Variants in PROM1 observed in about 807,000 individuals in gnomAD.
PROM1 encodes the protein prominin 1, also known as prominin-1.
Under a neutral mutation model 116.9 loss-of-function variants are expected in PROM1, and 105 were observed. That is an observed-to-expected ratio of 0.90 (90% CI 0.77 to 1.06). PROM1 has a LOEUF of 1.06. PROM1 is among the 50% of genes least tolerant of loss of function. The pLI, the probability that PROM1 is intolerant of heterozygous loss-of-function variation, is 0.00. For missense variants in PROM1, 1,122 were observed against 1,045.2 expected (o/e 1.07, Z -1.01); for synonymous variants, 393 against 387.0 (o/e 1.02, Z -0.18).
chr4:16,040,361 A>G (rs1734942793), intron 2 of PROM1, among the ~76,000 whole-genome samples: 1 of 152,194 alleles, frequency 6.6e-6, no homozygotes. Flanking sequence ...CCAGAGGGAC[A>G]CTGAGGCTGT....
chr4:16,009,460 G>A lies in PROM1; in HGVS notation c.1142-352C>T, dbSNP rs568422381. On this transcript the variant is annotated intron_variant, in intron 11 of 27. Coordinates refer to ENST00000447510, the MANE Select transcript of PROM1 (RefSeq NM_006017.3). ...ATAGTAACTCATTTATTTCACTGAG[G>A]TAGATATTCTCATTCCCCATTTTGC... 3.4e-3 allele frequency among the ~76,000 whole-genome samples: 516 copies of A among 152,274 alleles called. 2 individuals are homozygous for A. Among genetic ancestry groups the A allele is most frequent in the Middle Eastern group, 0.01 (3 of 294 alleles).
chr4:16,001,209 G>A (rs776705138), intron 13 of PROM1, among the ~76,000 whole-genome samples: 8 of 152,120 alleles, frequency 5.3e-5, no homozygotes, highest in Non-Finnish European at 7.4e-5. Context: ...CTCGGAAAGC[G>A]CTGAACACGA....
chr4:16,070,059 G>C (rs1742459929), intron 2 of PROM1, among the ~76,000 whole-genome samples: 1 of 152,210 alleles, frequency 6.6e-6, no homozygotes, highest in East Asian at 1.9e-4. Context: ...TTAGGTCACA[G>C]TTTACTATGT....
intron 16 of PROM1, 90 bp from the exon 17 acceptor site, chr4:15,992,481 G>T: frequency 7.2e-7 from 1 of 1,390,390 alleles, no homozygotes; most frequent in Non-Finnish European, 9.8e-7. Context: ...AGCTGGATGT[G>T]GTGGCTCATG....
rs761911901 is a variant in PROM1, at chr4:15,991,259, G to A, written c.1946C>T (p.Ser649Leu). The A allele has an allele frequency of 1.7e-5, 28 of 1,606,680 alleles. 1 individual carries two copies. In the South Asian group the frequency reaches 2.8e-4, roughly 16 times the overall value. The change falls in exon 18 of 28, where the codon TCA becomes TTA. Residue 649 changes from serine (S) to leucine (L), a missense_variant. Transcript: ENST00000447510. Reference sequence around the variant, plus strand: ...TTTTGCTTCTAGATCATATGCAAATGATAAAAGATTCACTCCTGCGGGGGA... The same window carrying A: ...TTTTGCTTCTAGATCATATGCAAATAATAAAAGATTCACTCCTGCGGGGGA... ...GKSPAGVNLL[S>L]FAYDLEAKAN...
In PROM1 at chr4:16,075,934, T is replaced by G. The variant is rs1307381234; in HGVS notation, c.-28A>C. On this transcript the variant is annotated 5_prime_UTR_variant, in exon 2 of 28. Coordinates refer to ENST00000447510, the MANE Select transcript of PROM1 (RefSeq NM_006017.3). ...CTAGCAAGATCCTCCAAACATGAGG[T>G]AGAACTTGGTGCCTCCTGCCTCAGA... 6.4e-7 allele frequency: 1 copy of G among 1,570,332 alleles called. No individual in the cohort carries two copies. The highest frequency in any genetic ancestry group is 2.3e-5 in the East Asian group (1 of 43,480).
intron 9 of PROM1, among the ~76,000 whole-genome samples, chr4:16,016,593 G>C (rs16892796): frequency 0.1 from 15,726 of 152,166 alleles, 1,159 homozygotes; most frequent in East Asian, 0.29. Context: ...AATGTAGTCA[G>C]TGGTTATATT....
At chr4:15,985,140 A>G (rs1719003436) in intron 22 of PROM1, among the ~76,000 whole-genome samples, 1 of 152,206 alleles carries the variant, frequency 6.6e-6, no homozygotes, top group Non-Finnish European at 1.5e-5. Context: ...GACTTTTTTT[A>G]ATACAGTATA....
At chr4:15,987,381 T>A (rs1399749000) in intron 20 of PROM1, among the ~76,000 whole-genome samples, 1 of 152,198 alleles carries the variant, frequency 6.6e-6, no homozygotes, top group East Asian at 1.9e-4. Flanking sequence ...TAGGCAGCAT[T>A]ATCTCTGTGA....
chr4:16,033,416 A>G lies in PROM1; in HGVS notation c.397T>C (p.Cys133Arg). 6.2e-7 allele frequency: 1 copy of G among 1,613,846 alleles called. No individual in the cohort carries two copies. The highest frequency in any genetic ancestry group is 8.5e-7 in the Non-Finnish European group (1 of 1,179,836). ...CCACCACATTTGTTACAGCAACGAC[A>G]CATACAAAAGAAATACCCCACCAGA... ...MPLVGYFFCM[C>R]RCCNKCGGEM... The change falls in exon 5 of 28, where the codon TGT becomes CGT. Residue 133 changes from cysteine (C) to arginine (R), a missense_variant. By Grantham distance (180) the Cys-to-Arg change is radical. Coordinates refer to ENST00000447510, the MANE Select transcript of PROM1 (RefSeq NM_006017.3).
At chr4:16,067,199 C>T (rs75337066) in intron 2 of PROM1, among the ~76,000 whole-genome samples, 4,914 of 152,320 alleles carry the variant, frequency 0.032, 126 homozygotes, top group Non-Finnish European at 0.05. Flanking sequence ...GAAGAGCCTA[C>T]GTTTGGAGGG....
intron 1 of PROM1, among the ~76,000 whole-genome samples, chr4:16,079,689 T>G (rs1744636910): frequency 6.6e-6 from 1 of 152,098 alleles, no homozygotes. Context: ...TAATCTGCAT[T>G]TTTAACAAGC....
chr4:16,022,264 G>A (rs577277885), intron 8 of PROM1, among the ~76,000 whole-genome samples: 3 of 152,260 alleles, frequency 2.0e-5, no homozygotes, highest in African/African-American at 7.2e-5. Context: ...CTGGGCCTCC[G>A]TTTCCTTGCC....
At position 16,033,361 on chromosome 4, in the gene PROM1, C is replaced by T; in HGVS notation, c.452G>A (p.Gly151Glu). ...GEMHQRQKEN[G>E]PFLRKCFAIS... ...TGCAAAGCATTTCCTCAGGAAGGGC[C>T]CATTTTCCTTCTGTCGCTGGTGCAT... Residue 151 changes from glycine to glutamate, a missense_variant, in exon 5 of 28, where the codon GGG becomes GAG. Coordinates refer to ENST00000447510, the MANE Select transcript of PROM1 (RefSeq NM_006017.3). 6.2e-7 allele frequency: 1 copy of T among 1,613,780 alleles called. No individual in the cohort carries two copies. The highest frequency in any genetic ancestry group is 1.3e-5 in the African/African-American group (1 of 74,972).
intron 13 of PROM1, among the ~76,000 whole-genome samples, chr4:16,005,498 GTGTGTGT>G (rs1725223464): frequency 1.3e-3 from 1 of 774 alleles, no homozygotes; most frequent in Non-Finnish European, 2.8e-3. Context: ...TTTGTTTGGT[GTGTGTGT>G]GTGTGTGTGT....
chr4:15,972,607 A>G (rs1477258864), intron 26 of PROM1, among the ~76,000 whole-genome samples: 4 of 152,196 alleles, frequency 2.6e-5, no homozygotes, highest in Admixed American at 6.5e-5. Flanking sequence ...CACTGAAACT[A>G]TAGCAAGTAA....
At chr4:16,049,027 G>T (rs1462071117) in intron 2 of PROM1, among the ~76,000 whole-genome samples, 1 of 152,202 alleles carries the variant, frequency 6.6e-6, no homozygotes, top group Non-Finnish European at 1.5e-5. Context: ...TGGGGCGGCT[G>T]GGCTGGGGCT....
intron 2 of PROM1, among the ~76,000 whole-genome samples, chr4:16,071,537 T>G (rs906024252): frequency 6.6e-6 from 1 of 152,088 alleles, no homozygotes; most frequent in Non-Finnish European, 1.5e-5. Context: ...TTAAATTAGG[T>G]CATAAGGGTG....
At chr4:15,984,442 G>T in intron 22 of PROM1, 87 bp from the exon 23 acceptor site, 1 of 975,034 alleles carries the variant, frequency 1.0e-6, no homozygotes. Flanking sequence ...TTGACTTGGT[G>T]TCACAAAAAG....
Sources: allele counts gnomAD v4.1 joint callset (sites outside exome capture counted in the v4.1 genomes callset), GRCh38; gene constraint gnomAD v4.1.1; transcripts MANE v1.5; gene names NCBI Gene and HGNC (gene_info 2026-07-23, HGNC 2026-07-21).